The following LINGO2 variants were observed in gnomAD, a reference collection of about 807,000 sequenced individuals.
LINGO2 encodes the protein leucine rich repeat and Ig domain containing 2.
A neutral mutation model predicts 30.6 loss-of-function variants in LINGO2; 14 were observed. That is an observed-to-expected ratio of 0.46 (90% CI 0.30 to 0.72). LINGO2 has a LOEUF of 0.72. Among genes scored for constraint, LINGO2 ranks in the 30% least tolerant of loss-of-function variants. LINGO2 has a pLI of 0.07. For missense variants in LINGO2, 729 were observed against 751.7 expected (o/e 0.97, Z 0.35); for synonymous variants, 317 against 288.5 (o/e 1.10, Z -1.00).
the LINGO2 span, among the ~76,000 whole-genome samples, chr9:29,071,087 G>GTA: frequency 6.7e-6 from 1 of 150,260 alleles, no homozygotes. Context: ...ATATATAATT[G>GTA]TATATATATG....
At chr9:28,123,963 G>T (rs1243918153) in intron 4 of LINGO2, among the ~76,000 whole-genome samples, 1 of 152,130 alleles carries the variant, frequency 6.6e-6, no homozygotes, top group East Asian at 1.9e-4. Context: ...ACCGCACCCA[G>T]CCTATTTAAT....
intron 3 of LINGO2, among the ~76,000 whole-genome samples, chr9:28,358,228 T>G (rs183859451): frequency 1.3e-3 from 193 of 152,212 alleles, no homozygotes; most frequent in African/African-American, 4.6e-3. Context: ...ATGAAGAACA[T>G]AATTATTATT....
At chr9:28,483,912 G>A (rs757984862) in intron 1 of LINGO2, among the ~76,000 whole-genome samples, 30 of 151,910 alleles carry the variant, frequency 2.0e-4, no homozygotes, top group Non-Finnish European at 3.7e-4. Flanking sequence ...GATCAATGAA[G>A]ACAGCTTCCT....
chr9:28,344,356 A>G (rs1819485402), intron 3 of LINGO2, among the ~76,000 whole-genome samples: 1 of 152,176 alleles, frequency 6.6e-6, no homozygotes, highest in Admixed American at 6.5e-5. Context: ...AGCAGGAGAG[A>G]TACCTAAAAT....
the LINGO2 span, among the ~76,000 whole-genome samples, chr9:28,732,257 TCCAAGCAAA>T: frequency 6.6e-6 from 1 of 151,844 alleles, no homozygotes; most frequent in African/African-American, 2.4e-5. Flanking sequence ...CCCTGGAATC[TCCAAGCAAA>T]CCAAGCAAAC....
At chr9:28,139,731 T>C (rs962694127) in intron 4 of LINGO2, among the ~76,000 whole-genome samples, 4 of 152,058 alleles carry the variant, frequency 2.6e-5, no homozygotes, top group African/African-American at 7.2e-5. Context: ...TTAAGAAAGG[T>C]ATCACGAAAT....
At chr9:28,192,942 C>T (rs1224900865) in intron 4 of LINGO2, among the ~76,000 whole-genome samples, 2 of 152,124 alleles carry the variant, frequency 1.3e-5, no homozygotes, top group Admixed American at 6.6e-5. Flanking sequence ...CACTGAGTCA[C>T]ATTCTAAAGA....
At chr9:27,999,731 A>G (rs1015561207) in intron 5 of LINGO2, among the ~76,000 whole-genome samples, 8 of 152,170 alleles carry the variant, frequency 5.3e-5, no homozygotes, top group African/African-American at 1.7e-4. Context: ...CTGACTGTGC[A>G]AAGGACTTCT....
chr9:28,090,888 G>C (rs534080504), intron 4 of LINGO2, among the ~76,000 whole-genome samples: 200 of 152,166 alleles, frequency 1.3e-3, no homozygotes, highest in African/African-American at 4.6e-3. Flanking sequence ...AAATCAATGT[G>C]CAAAAATCAC....
intron 5 of LINGO2, among the ~76,000 whole-genome samples, chr9:27,986,534 T>C (rs1821132842): frequency 6.6e-6 from 1 of 151,770 alleles, no homozygotes; most frequent in African/African-American, 2.4e-5. Flanking sequence ...TATTTATTCA[T>C]TCAACAATAT....
the LINGO2 span, among the ~76,000 whole-genome samples, chr9:28,866,173 G>T: frequency 6.6e-6 from 1 of 152,184 alleles, no homozygotes; most frequent in East Asian, 1.9e-4. Context: ...AGAATGAAAT[G>T]TTCTGGTTGA....
intron 1 of LINGO2, among the ~76,000 whole-genome samples, chr9:28,623,778 C>T (rs1360886719): frequency 2.6e-5 from 4 of 151,838 alleles, no homozygotes; most frequent in Non-Finnish European, 4.4e-5. Flanking sequence ...GTATAGATTG[C>T]TTTGAGAAAT....
chr9:28,839,019 A>T, the LINGO2 span, among the ~76,000 whole-genome samples: 2 of 152,198 alleles, frequency 1.3e-5, no homozygotes, highest in African/African-American at 4.8e-5. Flanking sequence ...CACTGCTGGC[A>T]CCAGGGAATG....
intron 4 of LINGO2, among the ~76,000 whole-genome samples, chr9:28,271,593 A>T (rs971110740): frequency 6.6e-6 from 1 of 152,208 alleles, no homozygotes; most frequent in African/African-American, 2.4e-5. Context: ...TACCATTTTC[A>T]AATCTGAATT....
intron 4 of LINGO2, among the ~76,000 whole-genome samples, chr9:28,016,987 T>C (rs1822873171): frequency 6.6e-6 from 1 of 152,042 alleles, no homozygotes; most frequent in Non-Finnish European, 1.5e-5. Context: ...AACAGCTAAT[T>C]CACCACGATC....
chr9:28,441,578 A>G (rs1014496604), intron 2 of LINGO2, among the ~76,000 whole-genome samples: 31 of 152,200 alleles, frequency 2.0e-4, no homozygotes, highest in African/African-American at 7.2e-4. Context: ...TTCTCATACC[A>G]GTTGTCTAGG....
chr9:28,029,189 C>CA (rs111703681), intron 4 of LINGO2, among the ~76,000 whole-genome samples: 3,490 of 152,140 alleles, frequency 0.023, 141 homozygotes, highest in African/African-American at 0.079. Context: ...AGTGATAAGA[C>CA]AATTTTTCAT....
chr9:28,015,183 T>C (rs1228142579), intron 4 of LINGO2, among the ~76,000 whole-genome samples: 1 of 152,172 alleles, frequency 6.6e-6, no homozygotes, highest in African/African-American at 2.4e-5. Context: ...TAGTGGGAAG[T>C]AATTCTTGGA....
At chr9:27,949,048 G>A in exon 6 of LINGO2, 1 of 1,614,100 alleles carries the variant, frequency 6.2e-7, no homozygotes, top group Non-Finnish European at 8.5e-7. Flanking sequence ...GTAGACACCA[G>A]TATTGTTTTA....
Sources: gnomAD v4.1 joint callset for allele counts (sites outside exome capture counted in the v4.1 genomes callset) on GRCh38, gnomAD v4.1.1 for gene constraint, MANE v1.5 for transcripts, NCBI Gene and HGNC (gene_info 2026-07-23, HGNC 2026-07-21) for gene names.